Variants in NDST1 observed in about 807,000 individuals in gnomAD.
The protein encoded by NDST1 is N-deacetylase and N-sulfotransferase 1, also known as bifunctional heparan sulfate N-deacetylase/N-sulfotransferase 1.
A neutral mutation model predicts 92.8 loss-of-function variants in NDST1; 35 were observed. The ratio of observed to expected loss-of-function variants is 0.38; its 90% CI spans 0.29 to 0.50. The LOEUF (loss-of-function observed/expected upper bound fraction) is 0.50, where lower values mean the gene tolerates loss of function less well. Among genes scored for constraint, NDST1 ranks in the 20% least tolerant of loss-of-function variants. NDST1 has a pLI of 0.94. For missense variants in NDST1, 822 were observed against 1,182.7 expected (o/e 0.69, Z 4.47); for synonymous variants, 493 against 500.3 (o/e 0.99, Z 0.19).
intron 9 of NDST1, among the ~76,000 whole-genome samples, chr5:150,542,624 TC>T (rs1482965876): frequency 6.6e-6 from 1 of 152,228 alleles, no homozygotes; most frequent in Non-Finnish European, 1.5e-5. Context: ...ATTAGCGATG[TC>T]CGTAGTAGGT....
intron 3 of NDST1, among the ~76,000 whole-genome samples, chr5:150,530,236 G>T (rs538347910): frequency 2.0e-5 from 3 of 152,202 alleles, no homozygotes; most frequent in Non-Finnish European, 4.4e-5. Flanking sequence ...CTGCTTTTAC[G>T]CATTGTGTTT....
chr5:150,548,020 A>G (rs542746468), intron 11 of NDST1, among the ~76,000 whole-genome samples, 198 bp from the exon 12 acceptor site: 2 of 152,224 alleles, frequency 1.3e-5, no homozygotes, highest in East Asian at 3.9e-4. Context: ...CCCGTATTTC[A>G]AAGATGGAGA....
chr5:150,552,475 T>TTTTTG (rs559512950), intron 14 of NDST1: 38 of 163,922 alleles, frequency 2.3e-4, no homozygotes, highest in South Asian at 1.9e-3. Flanking sequence ...CTTGCTTCTG[T>TTTTTG]TTTTGTTTTG....
At chr5:150,545,884 G>C (rs1755455840) in intron 11 of NDST1, among the ~76,000 whole-genome samples, 1 of 152,152 alleles carries the variant, frequency 6.6e-6, no homozygotes, top group African/African-American at 2.4e-5. Flanking sequence ...GCCATTCACA[G>C]TGGAGAAGGC....
At chr5:150,500,485 C>T (rs1331070395) in intron 1 of NDST1, among the ~76,000 whole-genome samples, 2 of 152,218 alleles carry the variant, frequency 1.3e-5, no homozygotes, top group African/African-American at 4.8e-5. Context: ...GTGAGCTATC[C>T]TTGGAGAGGA....
At chr5:150,512,359 C>T (rs1371371452) in intron 1 of NDST1, among the ~76,000 whole-genome samples, 2 of 152,180 alleles carry the variant, frequency 1.3e-5, no homozygotes, top group African/African-American at 2.4e-5. Context: ...GCACCTTCCC[C>T]CATTCACTGC....
At chr5:150,511,025 G>A (rs2151252086) in intron 1 of NDST1, among the ~76,000 whole-genome samples, 1 of 152,316 alleles carries the variant, frequency 6.6e-6, no homozygotes, top group Middle Eastern at 3.4e-3. Context: ...GCAGCTGTGT[G>A]CTGAAGTTCC....
chr5:150,524,614 C>G (rs565218051), intron 2 of NDST1, among the ~76,000 whole-genome samples: 13 of 152,362 alleles, frequency 8.5e-5, no homozygotes, highest in African/African-American at 3.1e-4. Context: ...GAAGTAGGCA[C>G]TTTATTTTCA....
Position 150,554,261 on chromosome 5 carries a change from A to G in NDST1, c.*929A>G. ...TTAACCTCCCAAATACTAAGAAGCTAAAATATTTTAATATTTTGTTTTTTT... is the reference window on the plus strand; with the variant it reads ...TTAACCTCCCAAATACTAAGAAGCTGAAATATTTTAATATTTTGTTTTTTT... On this transcript the variant is annotated 3_prime_UTR_variant, in exon 15 of 15. Coordinates refer to ENST00000261797, the MANE Select transcript of NDST1 (RefSeq NM_001543.5). The G allele has an allele frequency of 2.6e-6, 1 of 390,364 alleles. No individual in the cohort carries two copies. Among genetic ancestry groups the G allele is most frequent in the Non-Finnish European group, 4.5e-6 (1 of 221,806 alleles). The allele number at this position is 390,364 out of a possible 1,614,324, so 24.2% of individuals were successfully genotyped here.
In NDST1 at chr5:150,540,071, C is replaced by A; in HGVS notation, c.1567-11C>A. On this transcript the variant is annotated splice_polypyrimidine_tract_variant and intron_variant, in intron 7 of 14. Transcript: ENST00000261797. The stretch of plus-strand genomic sequence containing the variant: ...TGGGCCCTGCCTCTCTCCTCCCCTC[C>A]CCTGGAGCAGATCAGCATCTTCATG... 1 of 1,614,214 alleles carries A rather than the reference C, an allele frequency of 6.2e-7. No homozygotes were observed. The highest frequency in any genetic ancestry group is 8.5e-7 in the Non-Finnish European group (1 of 1,180,034).
In NDST1 at chr5:150,552,723, G is replaced by A. The variant is rs969997427; in HGVS notation, c.2530-490G>A. ...TCCCTATCAGAAGAATTTTGACTTA[G>A]TGAGCTATATTTTGATGCTCCTGCC... On this transcript the variant is annotated intron_variant, in intron 14 of 14. Coordinates refer to ENST00000261797, the MANE Select transcript of NDST1 (RefSeq NM_001543.5). 2.4e-5 allele frequency: 5 copies of A among 208,942 alleles called. No homozygotes were observed. The South Asian group carries it at 4.0e-4, about 17-fold the overall frequency. The allele number at this position is 208,942 out of a possible 1,614,324, so 12.9% of individuals were successfully genotyped here.
intron 1 of NDST1, among the ~76,000 whole-genome samples, chr5:150,511,848 A>G (rs896836348): frequency 4.6e-5 from 7 of 151,914 alleles, no homozygotes; most frequent in Non-Finnish European, 8.8e-5. Flanking sequence ...CTGGGAAGCA[A>G]ATGTGGAGGA....
intron 9 of NDST1, among the ~76,000 whole-genome samples, chr5:150,542,180 A>G (rs1046394029): frequency 6.6e-6 from 1 of 152,172 alleles, no homozygotes; most frequent in Non-Finnish European, 1.5e-5. Flanking sequence ...GGCAATGGCA[A>G]TTCCAGGCCT....
At chr5:150,519,497 C>A (rs1451547689) in intron 1 of NDST1, among the ~76,000 whole-genome samples, 1 of 152,170 alleles carries the variant, frequency 6.6e-6, no homozygotes, top group African/African-American at 2.4e-5. Flanking sequence ...CACCTGAGGT[C>A]AGGAGTTCAA....
chr5:150,513,844 A>G (rs957969658), intron 1 of NDST1, among the ~76,000 whole-genome samples: 2 of 152,274 alleles, frequency 1.3e-5, no homozygotes, highest in African/African-American at 4.8e-5. Flanking sequence ...CCGGGGCAGC[A>G]TTTTCAGGTG....
rs1042042417 is a variant in NDST1, at chr5:150,555,723, C to G, written c.*2391C>G. ...GAAATCTACCCTCTAGGCCTGGAGG[C>G]CTCTCTCGCAGAGCATGGAAGGCAG... On this transcript the variant is annotated 3_prime_UTR_variant, in exon 15 of 15. Transcript: ENST00000261797. 6.6e-6 allele frequency: 1 copy of G among 152,258 alleles called. No individual in the cohort carries two copies. Among genetic ancestry groups the G allele is most frequent in the Non-Finnish European group, 1.5e-5 (1 of 68,088 alleles). The allele number at this position is 152,258 out of a possible 1,614,324, so 9.4% of individuals were successfully genotyped here. A position where few individuals can be genotyped will look rare whatever the true frequency, so the allele number is the denominator to read the frequency against.
At chr5:150,535,256 G>A in intron 5 of NDST1, 1 of 947,890 alleles carries the variant, frequency 1.1e-6, no homozygotes, top group South Asian at 4.9e-5. Context: ...GCTACTAAGA[G>A]GTCCAGCTGG....
At chr5:150,532,850 C>T (rs1754807309) in intron 3 of NDST1, 95 bp from the exon 4 acceptor site, 1 of 1,130,886 alleles carries the variant, frequency 8.8e-7, no homozygotes, top group South Asian at 1.2e-5. Flanking sequence ...AATTTTTGAA[C>T]AAGGGATTTC....
At position 150,521,288 on chromosome 5, in the gene NDST1, C is replaced by A. The variant is rs753004555; in HGVS notation, c.34C>A (p.Arg12=). Residue 12 remains arginine, a synonymous_variant, in exon 2 of 15, where the codon CGG becomes AGG. Transcript: ENST00000261797. The surrounding 1 kb of genome is among the most constrained non-coding windows in gnomAD (Gnocchi z 5.9). ...CCTGGCATGCCTCCGGAGGCTGTGTCGGCACGTGTCCCCGCAGGCTGTCCT... is the reference window on the plus strand; with the variant it reads ...CCTGGCATGCCTCCGGAGGCTGTGTAGGCACGTGTCCCCGCAGGCTGTCCT... ...PALACLRRLC[R]HVSPQAVLFL... The A allele has an allele frequency of 1.9e-6, 3 of 1,612,008 alleles. No individual in the cohort carries two copies. The highest frequency in any genetic ancestry group is 2.5e-6 in the Non-Finnish European group (3 of 1,179,818).
Sources: gnomAD v4.1 joint callset for allele counts (sites outside exome capture counted in the v4.1 genomes callset) on GRCh38, gnomAD v4.1.1 for gene constraint, Gnocchi (gnomAD v3.1) non-coding constraint, MANE v1.5 for transcripts, NCBI Gene and HGNC (gene_info 2026-07-23, HGNC 2026-07-21) for gene names.